CLRN1: variants seen among roughly 807,000 people sequenced by gnomAD.
CLRN1 encodes the protein clarin 1.
In CLRN1, 15 loss-of-function variants were observed where a neutral mutation model predicts 18.7. The observed-to-expected ratio is 0.80, with a 90% CI of 0.54 to 1.23. The LOEUF is 1.23. Among genes scored for constraint, CLRN1 ranks in the 50% most tolerant of loss-of-function variants. CLRN1 has a pLI of 0.00. For missense variants in CLRN1, 311 were observed against 277.5 expected, an observed-to-expected ratio of 1.12 and a Z score of -0.86; for synonymous variants, 104 against 102.9, an observed-to-expected ratio of 1.01 and a Z score of -0.07.
chr3:150,970,563 C>T (rs1389006469), intron 1 of CLRN1, among the ~76,000 whole-genome samples: 3 of 150,608 alleles, frequency 2.0e-5, no homozygotes, highest in Non-Finnish European at 4.4e-5. Flanking sequence ...TGGGCCTCAC[C>T]AAAATGAATG....
intron 1 of CLRN1, among the ~76,000 whole-genome samples, chr3:150,953,387 C>T (rs930562230): frequency 1.3e-5 from 2 of 152,130 alleles, no homozygotes; most frequent in Non-Finnish European, 2.9e-5. Context: ...GTCAATGTGT[C>T]TCGGTCTCCT....
chr3:150,958,542 T>A (rs1714865816), intron 1 of CLRN1, among the ~76,000 whole-genome samples: 1 of 152,220 alleles, frequency 6.6e-6, no homozygotes, highest in Non-Finnish European at 1.5e-5. Context: ...TTTTCCCTCC[T>A]CCACACTCTC....
intron 1 of CLRN1, among the ~76,000 whole-genome samples, chr3:150,967,431 T>C (rs573083086): frequency 3.2e-4 from 49 of 152,150 alleles, no homozygotes; most frequent in Non-Finnish European, 5.6e-4. Context: ...CTCTATTTGC[T>C]GGACTGTTTT....
intron 1 of CLRN1, among the ~76,000 whole-genome samples, chr3:150,955,412 G>A (rs775081014): frequency 1.3e-5 from 2 of 152,146 alleles, no homozygotes; most frequent in Admixed American, 6.6e-5. Context: ...CAATAAACCC[G>A]ACTGAAAACA....
intron 2 of CLRN1, among the ~76,000 whole-genome samples, chr3:150,932,578 T>C (rs907066668): frequency 6.6e-6 from 1 of 152,214 alleles, no homozygotes; most frequent in Non-Finnish European, 1.5e-5. Context: ...ATTGCCAATA[T>C]AGAATGATAA....
At chr3:150,961,963 C>A (rs1254664375) in intron 1 of CLRN1, among the ~76,000 whole-genome samples, 1 of 152,156 alleles carries the variant, frequency 6.6e-6, no homozygotes, top group African/African-American at 2.4e-5. Context: ...ATGATAAAAC[C>A]ATTCAAAATC....
Position 150,953,499 on chromosome 3 carries a change from G to T in CLRN1, c.254-11738C>A, listed in dbSNP as rs1422631333. 2.0e-5 allele frequency among the ~76,000 whole-genome samples: 3 copies of T among 151,942 alleles called. No individual in the cohort carries two copies. The East Asian group carries it at 5.8e-4, about 29-fold the overall frequency. On this transcript the variant is annotated intron_variant, in intron 1 of 2. Coordinates refer to ENST00000327047, the MANE Select transcript of CLRN1 (RefSeq NM_174878.3). Reference sequence around the variant, plus strand: ...CAAGTAATAACAATAAGAAAAAAAAGCCAATAATTATAAAACATTTGCTAT... The same window carrying T: ...CAAGTAATAACAATAAGAAAAAAAATCCAATAATTATAAAACATTTGCTAT...
At chr3:150,960,932 G>A (rs1001999554) in intron 1 of CLRN1, among the ~76,000 whole-genome samples, 4 of 152,238 alleles carry the variant, frequency 2.6e-5, no homozygotes, top group Non-Finnish European at 4.4e-5. Flanking sequence ...CCAACCAGTT[G>A]GTGAGCAGGC....
chr3:150,938,571 T>C (rs564257727), intron 2 of CLRN1, among the ~76,000 whole-genome samples: 55 of 152,288 alleles, frequency 3.6e-4, no homozygotes, highest in African/African-American at 1.3e-3. Flanking sequence ...CCCTCAAACA[T>C]GTTTTATTGT....
intron 1 of CLRN1, among the ~76,000 whole-genome samples, chr3:150,968,769 T>G (rs915701803): frequency 2.6e-5 from 4 of 152,182 alleles, no homozygotes; most frequent in Non-Finnish European, 4.4e-5. Context: ...ACCAACTTGT[T>G]CAGAGCAAAT....
intron 2 of CLRN1, among the ~76,000 whole-genome samples, chr3:150,931,968 C>T (rs533173049): frequency 1.3e-5 from 2 of 152,272 alleles, no homozygotes; most frequent in East Asian, 1.9e-4. Context: ...GGTTTTGCTG[C>T]CCAGTGTCTT....
In CLRN1 at chr3:150,927,192, T is replaced by G. The variant is rs1262947366; in HGVS notation, c.*744A>C. The G allele has an allele frequency of 1.8e-6, 1 of 553,410 alleles. No homozygotes were observed. 34.3% of individuals were successfully genotyped at this position (553,410 alleles called of 1,614,324 possible). A position where few individuals can be genotyped will look rare whatever the true frequency, so the allele number is the denominator to read the frequency against. On this transcript the variant is annotated 3_prime_UTR_variant, in exon 3 of 3. Coordinates refer to ENST00000327047, the MANE Select transcript of CLRN1 (RefSeq NM_174878.3). ...GGGAGGAAAAATACCCTAAGCTTGG[T>G]TTTTTCTTCTTTTCTTCTTTTAGAG...
At chr3:150,952,366 T>C (rs1196774073) in intron 1 of CLRN1, among the ~76,000 whole-genome samples, 2 of 152,184 alleles carry the variant, frequency 1.3e-5, no homozygotes, top group Non-Finnish European at 2.9e-5. Context: ...ACCGATACTC[T>C]ACAGTGTCCT....
At chr3:150,944,297 C>G (rs576765015) in intron 1 of CLRN1, 2 of 185,038 alleles carry the variant, frequency 1.1e-5, no homozygotes, top group African/African-American at 4.7e-5. Context: ...GCCTGGTGAC[C>G]ATGGCGAGGA....
In CLRN1 at chr3:150,941,138, G is replaced by GTCCATCTATCTA. The variant is rs1713802517; in HGVS notation, c.433+443_433+444insTAGATAGATGGA. ...TGGAGTCTGTATTGTCTGTCTGTCT[G>GTCCATCTATCTA]TCTATCTATCTATCTATCTATCTAT... On this transcript the variant is annotated intron_variant, in intron 2 of 2. Transcript: ENST00000327047. 3.5e-5 allele frequency among the ~76,000 whole-genome samples: 5 copies of GTCCATCTATCTA among 141,538 alleles called. No homozygotes were observed. The Admixed American group carries it at 3.7e-4, about 10-fold the overall frequency. The allele number at this position is 141,538 out of a possible 152,430, so 92.9% of individuals were successfully genotyped here. A position where few individuals can be genotyped will look rare whatever the true frequency, so the allele number is the denominator to read the frequency against.
intron 2 of CLRN1, among the ~76,000 whole-genome samples, chr3:150,930,045 C>T (rs891834067): frequency 2.0e-5 from 3 of 152,156 alleles, no homozygotes; most frequent in African/African-American, 7.2e-5. Context: ...GAGATTTAAA[C>T]ATTAAAGATA....
At chr3:150,932,056 T>C (rs991865465) in intron 2 of CLRN1, among the ~76,000 whole-genome samples, 1 of 152,164 alleles carries the variant, frequency 6.6e-6, no homozygotes, top group Non-Finnish European at 1.5e-5. Flanking sequence ...GGTTTTTTTT[T>C]TCTTCCTTTT....
chr3:150,947,617 C>T (rs544062743), intron 1 of CLRN1, among the ~76,000 whole-genome samples: 2 of 152,322 alleles, frequency 1.3e-5, no homozygotes, highest in East Asian at 1.9e-4. Flanking sequence ...CTCATCACCA[C>T]ATGGCACATA....
intron 1 of CLRN1, among the ~76,000 whole-genome samples, chr3:150,961,055 C>T (rs1559991351): frequency 6.6e-6 from 1 of 152,198 alleles, no homozygotes; most frequent in East Asian, 1.9e-4. Context: ...TGCCCTGAGG[C>T]CAGGTGGCTG....
Sources: gnomAD v4.1 joint callset for allele counts (sites outside exome capture counted in the v4.1 genomes callset) on GRCh38, gnomAD v4.1.1 for gene constraint, MANE v1.5 for transcripts, NCBI Gene and HGNC (gene_info 2026-07-23, HGNC 2026-07-21) for gene names.